The following PCCB variants were observed in gnomAD, a reference collection of about 807,000 sequenced individuals.
PCCB encodes the protein propionyl-CoA carboxylase beta chain, mitochondrial.
PCCB carries 43 observed loss-of-function variants against 60.7 expected under a neutral mutation model. The observed-to-expected ratio is 0.71, with a 90% CI of 0.55 to 0.91. The LOEUF (loss-of-function observed/expected upper bound fraction) is 0.91, where lower values mean the gene tolerates loss of function less well. PCCB is among the 40% of genes least tolerant of loss of function. PCCB has a pLI of 0.00. For missense variants in PCCB, 766 were observed against 702.8 expected, an observed-to-expected ratio of 1.09 and a Z score of -1.02; for synonymous variants, 276 against 255.9, an observed-to-expected ratio of 1.08 and a Z score of -0.75.
intron 9 of PCCB, among the ~76,000 whole-genome samples, chr3:136,313,423 C>G (rs2108222178): frequency 6.6e-6 from 1 of 152,278 alleles, no homozygotes; most frequent in South Asian, 2.1e-4. Context: ...TCTCTATGAA[C>G]TGATAGGAAG....
chr3:136,261,861 A>T, intron 4 of PCCB, 91 bp from the exon 5 acceptor site: 2 of 873,424 alleles, frequency 2.3e-6, no homozygotes, highest in Non-Finnish European at 1.9e-6. Flanking sequence ...TGCACTCAGA[A>T]CGTTTTCCAG....
intron 4 of PCCB, among the ~76,000 whole-genome samples, chr3:136,261,197 T>A (rs1941812298): frequency 6.6e-6 from 1 of 152,200 alleles, no homozygotes; most frequent in Non-Finnish European, 1.5e-5. Flanking sequence ...TGTATGCTGA[T>A]ATTTAAAAAC....
chr3:136,299,887 C>CATGCATATGTATGTAT (rs1560019394), intron 8 of PCCB, among the ~76,000 whole-genome samples: 2 of 150,244 alleles, frequency 1.3e-5, no homozygotes, highest in African/African-American at 5.0e-5. Context: ...TGTGTATGTA[C>CATGCATATGTATGTAT]GTATATGCGT....
At chr3:136,262,768 T>C (rs1033240538) in intron 5 of PCCB, among the ~76,000 whole-genome samples, 13 of 152,160 alleles carry the variant, frequency 8.5e-5, no homozygotes, top group African/African-American at 2.2e-4. Flanking sequence ...GCCACTCTTA[T>C]CATCCCTGCT....
intron 10 of PCCB, chr3:136,326,180 T>C (rs1935301337): frequency 1.7e-6 from 1 of 574,344 alleles, no homozygotes; most frequent in Non-Finnish European, 3.1e-6. Context: ...TTTTCATTTA[T>C]GTTTTTGGTC....
chr3:136,272,978 A>T (rs949257041), intron 5 of PCCB, among the ~76,000 whole-genome samples: 1 of 152,200 alleles, frequency 6.6e-6, no homozygotes, highest in East Asian at 1.9e-4. Flanking sequence ...TCCTCTTAGC[A>T]CTACTTTTGC....
chr3:136,318,315 G>A (rs946468703), intron 10 of PCCB, among the ~76,000 whole-genome samples: 5 of 152,110 alleles, frequency 3.3e-5, no homozygotes, highest in Admixed American at 6.6e-5. Flanking sequence ...GTCACTGCCC[G>A]GGAGGCAGAA....
intron 9 of PCCB, among the ~76,000 whole-genome samples, chr3:136,311,643 G>A (rs775273393): frequency 1.3e-5 from 2 of 151,990 alleles, no homozygotes; most frequent in Non-Finnish European, 2.9e-5. Context: ...CCCAGCCCAG[G>A]GTGATCTTAA....
chr3:136,268,101 T>TATATAC (rs1560002496), intron 5 of PCCB, among the ~76,000 whole-genome samples: 6 of 122,252 alleles, frequency 4.9e-5, no homozygotes, highest in South Asian at 2.4e-4. Context: ...TATATATATA[T>TATATAC]ATATATATAT....
intron 8 of PCCB, among the ~76,000 whole-genome samples, chr3:136,300,083 CGCATATCTACACATATACATACAT>C (rs1346392055): frequency 1.4e-5 from 2 of 146,756 alleles, no homozygotes; most frequent in African/African-American, 5.5e-5. Context: ...TATGCATATA[CGCATATCTACACATATACATACAT>C]GCATATCTAC....
At chr3:136,284,282 C>T (rs1007538742) in intron 6 of PCCB, among the ~76,000 whole-genome samples, 2 of 150,342 alleles carry the variant, frequency 1.3e-5, no homozygotes, top group Non-Finnish European at 3.0e-5. Flanking sequence ...TCATGGAAGG[C>T]TTTTCTGTAA....
chr3:136,317,717 TGTC>T (rs921826782), intron 10 of PCCB, among the ~76,000 whole-genome samples: 1 of 152,178 alleles, frequency 6.6e-6, no homozygotes, highest in Non-Finnish European at 1.5e-5. Context: ...GGGGTGGTGA[TGTC>T]GTATTCACAG....
At chr3:136,301,647 C>T (rs1156441370) in intron 9 of PCCB, among the ~76,000 whole-genome samples, 1 of 151,848 alleles carries the variant, frequency 6.6e-6, no homozygotes, top group Non-Finnish European at 1.5e-5. Flanking sequence ...TGTAGATGGC[C>T]AATGCCTTCC....
At position 136,286,194 on chromosome 3, in the gene PCCB, C is replaced by A. The variant is rs533382889; in HGVS notation, c.654+2247C>A. Among the ~76,000 whole-genome samples, 3 of 152,314 alleles carry A rather than the reference C, an allele frequency of 2.0e-5. No homozygotes were observed. The East Asian group carries it at 5.8e-4, about 29-fold the overall frequency. ...ATGATGAAAAGGATATTATTCTAAGCAGAGTCACTGATAATAACAATTTCT... is the reference window on the plus strand; with the variant it reads ...ATGATGAAAAGGATATTATTCTAAGAAGAGTCACTGATAATAACAATTTCT... On this transcript the variant is annotated intron_variant, in intron 6 of 14. Coordinates refer to ENST00000251654, the MANE Select transcript of PCCB (RefSeq NM_000532.5).
intron 10 of PCCB, among the ~76,000 whole-genome samples, chr3:136,325,442 G>A (rs1935270697): frequency 6.6e-6 from 1 of 151,608 alleles, no homozygotes; most frequent in African/African-American, 2.4e-5. Flanking sequence ...TGCAACCTCT[G>A]CCTCCTGGGT....
At chr3:136,281,621 A>C (rs934339669) in intron 5 of PCCB, among the ~76,000 whole-genome samples, 2 of 152,046 alleles carry the variant, frequency 1.3e-5, no homozygotes, top group Non-Finnish European at 2.9e-5. Flanking sequence ...GGGTTTCTTC[A>C]GAGATGATTT....
At chr3:136,323,722 T>C (rs1161978035) in intron 10 of PCCB, among the ~76,000 whole-genome samples, 1 of 151,752 alleles carries the variant, frequency 6.6e-6, no homozygotes, top group East Asian at 1.9e-4. Flanking sequence ...GAGGCAGAGC[T>C]TGCAGTGAGC....
rs149856400 is a variant in PCCB, at chr3:136,299,739, T to C, written c.885-1291T>C. Among the ~76,000 whole-genome samples, 36 of 150,386 alleles carry C rather than the reference T, an allele frequency of 2.4e-4. No homozygotes were observed. In the East Asian group the frequency reaches 4.6e-3, roughly 19 times the overall value. ...GTGTATGTATGTATATGCATGTGTA[T>C]GTATAGGTATGCATGTGTGTGTATG... On this transcript the variant is annotated intron_variant, in intron 8 of 14. Transcript: ENST00000251654.
At chr3:136,281,671 C>T (rs1481846315) in intron 5 of PCCB, among the ~76,000 whole-genome samples, 3 of 151,898 alleles carry the variant, frequency 2.0e-5, no homozygotes, top group Admixed American at 1.3e-4. Context: ...GCCATACTTG[C>T]TTATTTCTTT....
Sources: allele counts gnomAD v4.1 joint callset (sites outside exome capture counted in the v4.1 genomes callset), GRCh38; gene constraint gnomAD v4.1.1; transcripts MANE v1.5; gene names NCBI Gene and HGNC (gene_info 2026-07-23, HGNC 2026-07-21).